Variants in MCF2L2 observed in about 807,000 individuals in gnomAD.
MCF2L2 encodes MCF.2 cell line derived transforming sequence-like 2, also known as probable guanine nucleotide exchange factor MCF2L2.
In MCF2L2, 102 loss-of-function variants were observed where a neutral mutation model predicts 150.2. The observed-to-expected ratio is 0.68, with a 90% CI of 0.58 to 0.80. The LOEUF is 0.80. Ranked by LOEUF, MCF2L2 falls within the 30% of genes least tolerant of loss-of-function variation. The probability of loss-of-function intolerance (pLI) is 0.00; values close to 1 mark genes in which losing one functional copy is unlikely to be tolerated. For synonymous variants in MCF2L2, 465 were observed against 491.3 expected, an observed-to-expected ratio of 0.95 and a Z score of 0.71; for missense variants, 1,256 against 1,372.8, an observed-to-expected ratio of 0.91 and a Z score of 1.34.
intron 1 of MCF2L2, among the ~76,000 whole-genome samples, chr3:183,396,597 G>A (rs549243812): frequency 6.6e-4 from 100 of 152,190 alleles, no homozygotes; most frequent in Non-Finnish European, 1.3e-3. Flanking sequence ...TTGCTGACAT[G>A]AAGGCAAGAA....
chr3:183,333,559 T>C (rs1372540301), intron 5 of MCF2L2, among the ~76,000 whole-genome samples: 1 of 152,192 alleles, frequency 6.6e-6, no homozygotes, highest in Non-Finnish European at 1.5e-5. Context: ...AGATGATCTA[T>C]GCACAATCAT....
At chr3:183,187,220 G>A (rs1001499194) in intron 27 of MCF2L2, among the ~76,000 whole-genome samples, 3 of 152,104 alleles carry the variant, frequency 2.0e-5, no homozygotes, top group East Asian at 1.9e-4. Flanking sequence ...CAACCATGAC[G>A]TGCTATACCG....
chr3:183,304,424 C>A (rs1728999717), intron 10 of MCF2L2, among the ~76,000 whole-genome samples: 1 of 151,564 alleles, frequency 6.6e-6, no homozygotes, highest in Non-Finnish European at 1.5e-5. Flanking sequence ...GGTTACCACC[C>A]CTACAAGATG....
chr3:183,364,437 G>A (rs542343073), intron 3 of MCF2L2, among the ~76,000 whole-genome samples: 6 of 151,982 alleles, frequency 3.9e-5, no homozygotes, highest in Admixed American at 1.3e-4. Flanking sequence ...GGAGAATGGC[G>A]TGAACCCAGG....
At chr3:183,371,393 G>A (rs1268893631) in intron 3 of MCF2L2, among the ~76,000 whole-genome samples, 3 of 151,918 alleles carry the variant, frequency 2.0e-5, no homozygotes, top group Non-Finnish European at 2.9e-5. Context: ...ACAACTCCAC[G>A]GGTGAGGGGG....
chr3:183,341,542 C>T lies in MCF2L2; in HGVS notation c.364G>A (p.Ala122Thr). 6.9e-6 allele frequency: 11 copies of T among 1,605,090 alleles called. No homozygotes were observed. Among genetic ancestry groups the T allele is most frequent in the Non-Finnish European group, 9.4e-6 (11 of 1,171,736 alleles). Residue 122 changes from alanine (A) to threonine (T), a missense_variant and splice_region_variant, in exon 4 of 30, where the codon GCT becomes ACT. Coordinates refer to ENST00000328913, the MANE Select transcript of MCF2L2 (RefSeq NM_015078.4). ...AAAGCACAAAAATAAATATTTACAG[C>T]TATTCGTGTCAAGGATGCCTTTACG... ...SSVKASLTRIAVAFPGNLQLI... is the reference protein window; with the variant it reads ...SSVKASLTRITVAFPGNLQLI...
At chr3:183,345,041 C>G (rs1023007832) in intron 3 of MCF2L2, among the ~76,000 whole-genome samples, 4 of 152,126 alleles carry the variant, frequency 2.6e-5, no homozygotes, top group Non-Finnish European at 5.9e-5. Flanking sequence ...ATATTCAGGA[C>G]TTGAACTCAG....
At chr3:183,330,246 A>G (rs913002170) in intron 5 of MCF2L2, among the ~76,000 whole-genome samples, 4 of 95,970 alleles carry the variant, frequency 4.2e-5, no homozygotes, top group African/African-American at 1.6e-4. Context: ...CCCTGTCTTG[A>G]AAAAAAAAAA....
At chr3:183,233,327 G>A (rs1723645833) in intron 15 of MCF2L2, among the ~76,000 whole-genome samples, 1 of 149,958 alleles carries the variant, frequency 6.7e-6, no homozygotes, top group African/African-American at 2.5e-5. Flanking sequence ...ACTCCAGCCT[G>A]GGCAACAAGA....
At chr3:183,282,154 T>TTTA (rs967386832) in intron 14 of MCF2L2, among the ~76,000 whole-genome samples, 1 of 151,200 alleles carries the variant, frequency 6.6e-6, no homozygotes, top group Non-Finnish European at 1.5e-5. Flanking sequence ...TAAATTGGCT[T>TTTA]TTATTATTAT....
At chr3:183,184,907 C>CTTT (rs992487364) in intron 27 of MCF2L2, among the ~76,000 whole-genome samples, 1 of 147,232 alleles carries the variant, frequency 6.8e-6, no homozygotes, top group Non-Finnish European at 1.5e-5. Context: ...CAATGCACAA[C>CTTT]TTTTTTTTTC....
intron 12 of MCF2L2, 27 bp from the exon 13 acceptor site, chr3:183,295,504 G>T: frequency 6.2e-7 from 1 of 1,609,930 alleles, no homozygotes; most frequent in South Asian, 1.1e-5. Context: ...AAATCATGAT[G>T]AACAGGTCTC....
chr3:183,351,237 T>TATATATAA (rs1491416087), intron 3 of MCF2L2, among the ~76,000 whole-genome samples: 1 of 79,550 alleles, frequency 1.3e-5, no homozygotes. Context: ...TATATATATA[T>TATATATAA]TTATTTATTT....
chr3:183,261,537 G>A (rs1725584157), intron 15 of MCF2L2, among the ~76,000 whole-genome samples: 1 of 152,124 alleles, frequency 6.6e-6, no homozygotes, highest in African/African-American at 2.4e-5. Flanking sequence ...CTCACCGGAG[G>A]AGCCTTATAT....
chr3:183,219,063 C>A (rs1723048243), intron 21 of MCF2L2, among the ~76,000 whole-genome samples: 1 of 152,150 alleles, frequency 6.6e-6, no homozygotes, highest in African/African-American at 2.4e-5. Flanking sequence ...ACACAGATTT[C>A]TTCCTAACCT....
intron 16 of MCF2L2, among the ~76,000 whole-genome samples, chr3:183,230,096 A>G (rs1312061071): frequency 6.6e-6 from 1 of 152,154 alleles, no homozygotes; most frequent in Admixed American, 6.5e-5. Flanking sequence ...ATGAACTAAT[A>G]CAATTACTAT....
At chr3:183,298,599 T>C (rs1051422815) in intron 11 of MCF2L2, 9 of 152,178 alleles carry the variant, frequency 5.9e-5, no homozygotes, top group African/African-American at 1.4e-4. Context: ...TTTTTGGATT[T>C]CCACAATAAT....
chr3:183,233,907 T>C (rs563214073), intron 15 of MCF2L2, among the ~76,000 whole-genome samples: 1 of 152,212 alleles, frequency 6.6e-6, no homozygotes, highest in Non-Finnish European at 1.5e-5. Flanking sequence ...TTCTTTCTTA[T>C]AATCATTTTT....
At chr3:183,299,652 G>A (rs1380811950) in intron 11 of MCF2L2, 2 of 208,548 alleles carry the variant, frequency 9.6e-6, no homozygotes, top group Non-Finnish European at 1.9e-5. Flanking sequence ...TTATATGAGG[G>A]AAGCACTCTG....
Sources: gnomAD v4.1 joint callset for allele counts (sites outside exome capture counted in the v4.1 genomes callset) on GRCh38, gnomAD v4.1.1 for gene constraint, MANE v1.5 for transcripts, NCBI Gene and HGNC (gene_info 2026-07-23, HGNC 2026-07-21) for gene names.